CTDSPL2: variants seen among roughly 807,000 people sequenced by gnomAD.
CTDSPL2 encodes CTD small phosphatase-like protein 2.
Under a neutral mutation model 60.0 loss-of-function variants are expected in CTDSPL2, and 5 were observed. That is an observed-to-expected ratio of 0.08 (90% CI 0.04 to 0.18). The LOEUF is 0.18. Among genes scored for constraint, CTDSPL2 ranks in the 10% least tolerant of loss-of-function variants. The pLI, the probability that CTDSPL2 is intolerant of heterozygous loss-of-function variation, is 1.00. For missense variants in CTDSPL2, 370 were observed against 548.8 expected, an observed-to-expected ratio of 0.67 and a Z score of 3.26; for synonymous variants, 186 against 189.3, an observed-to-expected ratio of 0.98 and a Z score of 0.14.
chr15:44,496,997 G>A (rs765709499), intron 6 of CTDSPL2, 30 bp from the exon 7 acceptor site: 1 of 1,344,680 alleles, frequency 7.4e-7, no homozygotes, highest in Non-Finnish European at 1.1e-6. Flanking sequence ...AAAGTAAAAT[G>A]TTGAAATTTT....
intron 1 of CTDSPL2, among the ~76,000 whole-genome samples, chr15:44,450,008 A>AT (rs889710411): frequency 6.6e-6 from 1 of 150,786 alleles, no homozygotes; most frequent in Non-Finnish European, 1.5e-5. Flanking sequence ...AAAAATTAAT[A>AT]TTTTTTTACG....
intron 7 of CTDSPL2, 126 bp downstream of exon 7, chr15:44,497,264 G>T: frequency 1.8e-6 from 1 of 541,422 alleles, no homozygotes; most frequent in Non-Finnish European, 3.3e-6. Context: ...AAAATAATTT[G>T]GGTCAACTTA....
intron 2 of CTDSPL2, among the ~76,000 whole-genome samples, chr15:44,480,267 G>C (rs74736372): frequency 0.018 from 2,715 of 152,218 alleles, 89 homozygotes; most frequent in African/African-American, 0.062. Context: ...TTGGCCTGCC[G>C]TGGTTTCCAG....
chr15:44,458,936 G>A (rs954140952), intron 1 of CTDSPL2, 55 bp from the exon 2 acceptor site: 47 of 1,201,210 alleles, frequency 3.9e-5, no homozygotes, highest in Admixed American at 1.2e-4. Context: ...GGGTAGAGAA[G>A]GTTGAATTTA....
chr15:44,521,912 T>C (rs2081778173), intron 12 of CTDSPL2, among the ~76,000 whole-genome samples: 1 of 106,202 alleles, frequency 9.4e-6, no homozygotes, highest in African/African-American at 3.7e-5. Flanking sequence ...CACTCCAGCC[T>C]GGGCGACAGA....
chr15:44,497,562 G>A (rs2081321943), intron 7 of CTDSPL2, among the ~76,000 whole-genome samples: 2 of 152,216 alleles, frequency 1.3e-5, no homozygotes, highest in Admixed American at 1.3e-4. Flanking sequence ...TGTAGAGACG[G>A]GGTTTCACCT....
At chr15:44,489,250 C>T (rs2081177424) in intron 4 of CTDSPL2, among the ~76,000 whole-genome samples, 1 of 151,246 alleles carries the variant, frequency 6.6e-6, no homozygotes, top group East Asian at 2.0e-4. Context: ...TAGCCTGCAA[C>T]TAGGGTCTGA....
intron 2 of CTDSPL2, among the ~76,000 whole-genome samples, chr15:44,465,701 TTCC>T (rs1214496472): frequency 2.6e-5 from 4 of 151,472 alleles, no homozygotes; most frequent in Non-Finnish European, 5.9e-5. Context: ...TTTGGGAATT[TTCC>T]TCCTCCTCTT....
intron 6 of CTDSPL2, 105 bp downstream of exon 6, chr15:44,496,563 C>A: frequency 1.2e-6 from 1 of 846,774 alleles, no homozygotes; most frequent in Non-Finnish European, 1.9e-6. Flanking sequence ...GATATGTGAC[C>A]TGTAGGTATT....
chr15:44,480,066 A>C (rs2080997496), intron 2 of CTDSPL2, among the ~76,000 whole-genome samples: 2 of 152,152 alleles, frequency 1.3e-5, no homozygotes, highest in South Asian at 4.1e-4. Context: ...CTCACATTTG[A>C]TTCCACTCCC....
rs746268332 is a variant in CTDSPL2, at chr15:44,459,008, A to G, written c.-7A>G. 6 of 1,526,976 alleles carry G rather than the reference A, an allele frequency of 3.9e-6. No individual in the cohort carries two copies. Among genetic ancestry groups the G allele is most frequent in the African/African-American group, 1.4e-5 (1 of 70,710 alleles). The allele number at this position is 1,526,976 out of a possible 1,614,324, so 94.6% of individuals were successfully genotyped here. On this transcript the variant is annotated 5_prime_UTR_variant, in exon 2 of 13. Coordinates refer to ENST00000260327, the MANE Select transcript of CTDSPL2 (RefSeq NM_016396.3). Reference sequence around the variant, plus strand: ...TCTTTTAGTTTTACATGTGGCACCCATAAAAGATGAGGCTGAGAACACGGA... The same window carrying G: ...TCTTTTAGTTTTACATGTGGCACCCGTAAAAGATGAGGCTGAGAACACGGA...
chr15:44,502,732 T>G lies in CTDSPL2; in HGVS notation c.969+2919T>G, dbSNP rs1027765152. ...TATTCAAATTGTAAGTAGAAGTAAG[T>G]AATCAAATGTTCATCAAAATTCTTG... On this transcript the variant is annotated intron_variant, in intron 8 of 12. Transcript: ENST00000260327. Among the ~76,000 whole-genome samples the G allele has an allele frequency of 2.6e-5, 4 of 152,204 alleles. No individual in the cohort carries two copies. The East Asian group carries it at 7.7e-4, about 29-fold the overall frequency.
Position 44,527,315 on chromosome 15 carries a change from A to T in CTDSPL2, c.*3141A>T, listed in dbSNP as rs2259359. The T allele has an allele frequency of 0.36, 54,508 of 151,868 alleles. 11,705 individuals are homozygous for T. Among genetic ancestry groups the T allele is most frequent in the Admixed American group, 0.48 (7,368 of 15,226 alleles). 9.4% of individuals were successfully genotyped at this position (151,868 alleles called of 1,614,324 possible). ...AGGGTTAACATAGAATGTTTTTTTT[A>T]AAAAATTATCTTTGGCCAATGACTT... On this transcript the variant is annotated 3_prime_UTR_variant, in exon 13 of 13. Coordinates refer to ENST00000260327, the MANE Select transcript of CTDSPL2 (RefSeq NM_016396.3).
intron 8 of CTDSPL2, among the ~76,000 whole-genome samples, chr15:44,506,417 T>G (rs1232733263): frequency 2.1e-5 from 3 of 145,162 alleles, no homozygotes; most frequent in Non-Finnish European, 4.5e-5. Context: ...TTTGACTTTT[T>G]TTTTTTTTTT....
Position 44,486,565 on chromosome 15 carries a change from G to A in CTDSPL2, c.340G>A (p.Glu114Lys). The A allele has an allele frequency of 3.8e-6, 6 of 1,566,496 alleles. No homozygotes were observed. The highest frequency in any genetic ancestry group is 5.2e-6 in the Non-Finnish European group (6 of 1,161,312). The change falls in exon 4 of 13, where the codon GAA (glutamate) becomes AAA (lysine). Residue 114 changes from glutamate to lysine, a missense_variant. Glu to Lys is a moderately conservative substitution (Grantham distance 56). This residue lies in a region of CTDSPL2 where 287 missense variants were observed against 296.1 expected (regional missense o/e 0.97). Transcript: ENST00000260327. ...SQVNGEAGSY[E>K]MTNQHVKQNG... ...TTCTTTTTTAGAAGCTGGTAGTTAT[G>A]AAATGACAAATCAACATGTAAAACA...
chr15:44,448,897 G>T, intron 1 of CTDSPL2: 1 of 418,482 alleles, frequency 2.4e-6, no homozygotes, highest in Non-Finnish European at 4.5e-6. Context: ...TGTAGATATA[G>T]CTTGCACAGC....
chr15:44,486,482 A>G, intron 3 of CTDSPL2, 69 bp from the exon 4 acceptor site: 1 of 1,108,366 alleles, frequency 9.0e-7, no homozygotes, highest in South Asian at 1.9e-5. Context: ...TCTATAATGA[A>G]TGATTTATAA....
chr15:44,478,966 C>G (rs2080973807), intron 2 of CTDSPL2, among the ~76,000 whole-genome samples: 1 of 151,286 alleles, frequency 6.6e-6, no homozygotes, highest in African/African-American at 2.4e-5. Context: ...GTCTCAAAAA[C>G]AAATAAAAAA....
At chr15:44,521,427 T>C (rs2081765787) in intron 12 of CTDSPL2, 21 bp downstream of exon 12, 1 of 1,300,208 alleles carries the variant, frequency 7.7e-7, no homozygotes. Flanking sequence ...CTTATCTTTT[T>C]CTGTTGTGTT....
Sources: allele counts gnomAD v4.1 joint callset (sites outside exome capture counted in the v4.1 genomes callset), GRCh38; gene constraint gnomAD v4.1.1; regional missense constraint gnomAD v4.1.1; transcripts MANE v1.5; gene names NCBI Gene and HGNC (gene_info 2026-07-23, HGNC 2026-07-21).